PPP2CA: variants seen among roughly 807,000 people sequenced by gnomAD.
PPP2CA encodes the protein protein phosphatase 2 catalytic subunit alpha.
A neutral mutation model predicts 38.8 loss-of-function variants in PPP2CA; 5 were observed. The observed-to-expected ratio is 0.13, with a 90% CI of 0.07 to 0.27. PPP2CA has a LOEUF of 0.27. Ranked by LOEUF, PPP2CA falls within the 10% of genes least tolerant of loss-of-function variation. The pLI, the probability that PPP2CA is intolerant of heterozygous loss-of-function variation, is 1.00. For synonymous variants in PPP2CA, 152 were observed against 134.0 expected (o/e 1.13, Z -0.93); for missense variants, 88 against 389.7 (o/e 0.23, Z 6.52).
At chr5:134,203,262 T>C (rs189589166) in intron 2 of PPP2CA, among the ~76,000 whole-genome samples, 1 of 152,374 alleles carries the variant, frequency 6.6e-6, no homozygotes, top group Admixed American at 6.5e-5. Context: ...TGATTTATTC[T>C]AGAAGTTTTG....
In PPP2CA at chr5:134,202,196, G is replaced by T. The variant is rs186716771; in HGVS notation, c.313-175C>A. ...TACAGAATTTTTAAATGCCCATGGG[G>T]TGTTTGCCCACCTCATCTCAACTAA... On this transcript the variant is annotated intron_variant, in intron 2 of 6. Coordinates refer to ENST00000481195, the MANE Select transcript of PPP2CA (RefSeq NM_002715.4). 7 of 562,438 alleles carry T rather than the reference G, an allele frequency of 1.2e-5. No individual in the cohort carries two copies. The East Asian group carries it at 2.3e-4, about 19-fold the overall frequency. The allele number at this position is 562,438 out of a possible 1,614,324, so 34.8% of individuals were successfully genotyped here. A position where few individuals can be genotyped will look rare whatever the true frequency, so the allele number is the denominator to read the frequency against.
intron 1 of PPP2CA, among the ~76,000 whole-genome samples, chr5:134,210,149 C>A (rs1762174332): frequency 6.6e-6 from 1 of 151,970 alleles, no homozygotes; most frequent in Non-Finnish European, 1.5e-5. Context: ...ATAAGCTGTG[C>A]TATCACAAGG....
intron 1 of PPP2CA, among the ~76,000 whole-genome samples, chr5:134,217,042 G>A (rs1336598048): frequency 6.6e-6 from 1 of 152,194 alleles, no homozygotes; most frequent in African/African-American, 2.4e-5. Flanking sequence ...AGCACTTTGG[G>A]AGGCCAAGGC....
At chr5:134,200,234 G>C in intron 5 of PPP2CA, 101 bp downstream of exon 5, 1 of 1,297,838 alleles carries the variant, frequency 7.7e-7, no homozygotes, top group African/African-American at 1.5e-5. Context: ...AGAAGGAATA[G>C]ATGGAATTTC....
chr5:134,225,890 T>C lies in PPP2CA; in HGVS notation c.-29A>G, dbSNP rs1395212698. The C allele has an allele frequency of 1.3e-6, 2 of 1,594,562 alleles. No individual in the cohort carries two copies. Among genetic ancestry groups the C allele is most frequent in the Non-Finnish European group, 1.7e-6 (2 of 1,173,312 alleles). On this transcript the variant is annotated 5_prime_UTR_variant, in exon 1 of 7. Transcript: ENST00000481195. ...GCCACCCGCCCCAGCCGGCTGCCGC[T>C]CCGCGCTGCTCCCGCGCCGCCGCCC...
Position 134,197,728 on chromosome 5 carries a change from T to C in PPP2CA, c.*44A>G. ...TGTTGCTCTTCCCATTTCCATTAGG[T>C]CGATATATGGTTCATGGCAATACTG... On this transcript the variant is annotated 3_prime_UTR_variant, in exon 7 of 7. Transcript: ENST00000481195. 1 of 1,464,516 alleles carries C rather than the reference T, an allele frequency of 6.8e-7. No homozygotes were observed. Among genetic ancestry groups the C allele is most frequent in the Non-Finnish European group, 9.6e-7 (1 of 1,045,502 alleles). 90.7% of individuals were successfully genotyped at this position (1,464,516 alleles called of 1,614,324 possible). A position where few individuals can be genotyped will look rare whatever the true frequency, so the allele number is the denominator to read the frequency against.
chr5:134,220,141 A>G (rs1762405288), intron 1 of PPP2CA, among the ~76,000 whole-genome samples: 1 of 151,910 alleles, frequency 6.6e-6, no homozygotes, highest in Non-Finnish European at 1.5e-5. Flanking sequence ...CTTCTGCCCC[A>G]GAAGCCAAAA....
chr5:134,199,655 T>A (rs1339876516), intron 5 of PPP2CA, among the ~76,000 whole-genome samples: 1 of 152,184 alleles, frequency 6.6e-6, no homozygotes, highest in African/African-American at 2.4e-5. Context: ...CAGTCACAGG[T>A]AAAGGCCTGT....
At chr5:134,205,176 GCTCA>G (rs1265312071) in intron 2 of PPP2CA, among the ~76,000 whole-genome samples, 2 of 151,996 alleles carry the variant, frequency 1.3e-5, no homozygotes, top group African/African-American at 2.4e-5. Context: ...CAAGCAATAT[GCTCA>G]CTTTGTCCTG....
chr5:134,209,249 T>C lies in PPP2CA; in HGVS notation c.103-3118A>G, dbSNP rs1264401882. ...TACTGGCGATAACAGTGGTATACAG[T>C]AGAAGCAACCATCCCTCAGACCGGA... On this transcript the variant is annotated intron_variant, in intron 1 of 6. Transcript: ENST00000481195. Among the ~76,000 whole-genome samples, 4 of 147,752 alleles carry C rather than the reference T, an allele frequency of 2.7e-5. No homozygotes were observed. The Admixed American group carries it at 2.7e-4, about 10-fold the overall frequency.
Position 134,197,587 on chromosome 5 carries a change from A to C in PPP2CA, c.*185T>G, listed in dbSNP as rs1163864032. ...AGCATGCAATGAACTGGTTCATTCT[A>C]AAGTGGTCACGGCTGTTGATGACAA... On this transcript the variant is annotated 3_prime_UTR_variant, in exon 7 of 7. Transcript: ENST00000481195. 3.4e-6 allele frequency: 2 copies of C among 581,262 alleles called. No individual in the cohort carries two copies. Among genetic ancestry groups the C allele is most frequent in the East Asian group, 2.8e-5 (1 of 35,820 alleles). 36.0% of individuals were successfully genotyped at this position (581,262 alleles called of 1,614,324 possible). A position where few individuals can be genotyped will look rare whatever the true frequency, so the allele number is the denominator to read the frequency against.
chr5:134,208,300 A>G (rs1333266319), intron 1 of PPP2CA, among the ~76,000 whole-genome samples: 1 of 152,246 alleles, frequency 6.6e-6, no homozygotes, highest in Non-Finnish European at 1.5e-5. Flanking sequence ...TCCTTACTAC[A>G]ACTGACTCAA....
chr5:134,200,498 TA>T lies in PPP2CA; in HGVS notation c.577-3del. On this transcript the variant is annotated splice_region_variant and splice_polypyrimidine_tract_variant and intron_variant, in intron 4 of 6. Coordinates refer to ENST00000481195, the MANE Select transcript of PPP2CA (RefSeq NM_002715.4). ...CCACAGCAAGTCACACATTGGACCC[TA>T]AAAAATAACTTCAAGTTATAAAATG... is the stretch of plus-strand genomic sequence containing the variant. The T allele has an allele frequency of 6.2e-7, 1 of 1,604,694 alleles. No individual in the cohort carries two copies. The highest frequency in any genetic ancestry group is 8.5e-7 in the Non-Finnish European group (1 of 1,177,406).
At chr5:134,216,708 T>G (rs1427454691) in intron 1 of PPP2CA, among the ~76,000 whole-genome samples, 3 of 151,946 alleles carry the variant, frequency 2.0e-5, no homozygotes, top group African/African-American at 7.3e-5. Flanking sequence ...CTCACTACAT[T>G]GCCCAAGCTG....
At chr5:134,202,818 G>A (rs1761996342) in intron 2 of PPP2CA, among the ~76,000 whole-genome samples, 1 of 152,206 alleles carries the variant, frequency 6.6e-6, no homozygotes, top group African/African-American at 2.4e-5. Context: ...TTTCAAAGTA[G>A]CTAGACCATG....
rs1761842346 is a variant in PPP2CA at position 134,196,023 on chromosome 5, G to C, written c.*1749C>G. The C allele has an allele frequency of 6.6e-6, 1 of 152,172 alleles. No homozygotes were observed. Among genetic ancestry groups the C allele is most frequent in the Non-Finnish European group, 1.5e-5 (1 of 68,030 alleles). 9.4% of individuals were successfully genotyped at this position (152,172 alleles called of 1,614,324 possible). A position where few individuals can be genotyped will look rare whatever the true frequency, so the allele number is the denominator to read the frequency against. ...CTATTTGTTCAGTCGGAGAGAAAGG[G>C]CATAGAGTGACAGAGCAACAAAAAG... On this transcript the variant is annotated 3_prime_UTR_variant, in exon 7 of 7. Coordinates refer to ENST00000481195, the MANE Select transcript of PPP2CA (RefSeq NM_002715.4).
chr5:134,224,287 G>T (rs762265160), intron 1 of PPP2CA: 30 of 455,732 alleles, frequency 6.6e-5, no homozygotes, highest in South Asian at 4.5e-4. Flanking sequence ...AAAGAAACAG[G>T]AGATTCAATA....
intron 1 of PPP2CA, among the ~76,000 whole-genome samples, chr5:134,224,977 C>T (rs1205350691): frequency 1.3e-5 from 2 of 152,170 alleles, no homozygotes; most frequent in Non-Finnish European, 1.5e-5. Flanking sequence ...AAATAAACGG[C>T]AAAATGCCAA....
intron 1 of PPP2CA, among the ~76,000 whole-genome samples, chr5:134,206,810 A>G (rs1580641616): frequency 6.6e-6 from 1 of 152,204 alleles, no homozygotes; most frequent in Admixed American, 6.5e-5. Context: ...CATACCTGTG[A>G]GAAAATCATT....
Sources: gnomAD v4.1 joint callset for allele counts (sites outside exome capture counted in the v4.1 genomes callset) on GRCh38, gnomAD v4.1.1 for gene constraint, MANE v1.5 for transcripts, NCBI Gene and HGNC (gene_info 2026-07-23, HGNC 2026-07-21) for gene names.